The following NOX5 variants were observed in gnomAD, a reference collection of about 807,000 sequenced individuals.
NOX5 encodes NADPH oxidase, EF-hand calcium binding domain 5.
A neutral mutation model predicts 85.7 loss-of-function variants in NOX5; 76 were observed. The ratio of observed to expected loss-of-function variants is 0.89; its 90% CI spans 0.74 to 1.07. The LOEUF (loss-of-function observed/expected upper bound fraction) is 1.07. NOX5 is among the 50% of genes least tolerant of loss of function. The pLI is 0.00. For synonymous variants in NOX5, 405 were observed against 401.4 expected, an observed-to-expected ratio of 1.01 and a Z score of -0.11; for missense variants, 973 against 999.5, an observed-to-expected ratio of 0.97 and a Z score of 0.36.
chr15:69,047,322 G>T, intron 11 of NOX5, 91 bp from the exon 12 acceptor site: 1 of 1,451,300 alleles, frequency 6.9e-7, no homozygotes, highest in South Asian at 1.5e-5. Context: ...TATATATAAA[G>T]GGGGTTCTGA....
chr15:69,052,479 G>A (rs1313783035), intron 14 of NOX5, among the ~76,000 whole-genome samples: 1 of 152,182 alleles, frequency 6.6e-6, no homozygotes, highest in Admixed American at 6.5e-5. Flanking sequence ...TATACAAGAA[G>A]AAATATCTTT....
intron 5 of NOX5, among the ~76,000 whole-genome samples, chr15:69,035,004 G>A (rs1188842664): frequency 6.6e-6 from 1 of 152,094 alleles, no homozygotes; most frequent in African/African-American, 2.4e-5. Flanking sequence ...AGGCTCCAGT[G>A]ATCCTACTGT....
intron 7 of NOX5, 38 bp from the exon 8 acceptor site, chr15:69,036,990 T>G: frequency 9.4e-5 from 144 of 1,525,188 alleles, no homozygotes; most frequent in Non-Finnish European, 1.2e-4. Context: ...CCCCAGGCCT[T>G]GAGCTCTGGA....
At chr15:69,045,346 G>A (rs1020893197) in intron 10 of NOX5, among the ~76,000 whole-genome samples, 6 of 152,040 alleles carry the variant, frequency 3.9e-5, no homozygotes, top group Admixed American at 6.6e-5. Flanking sequence ...AACTAGTATC[G>A]CATGCTGCAC....
intron 9 of NOX5, among the ~76,000 whole-genome samples, chr15:69,039,308 G>A (rs2050562940): frequency 6.8e-6 from 1 of 147,160 alleles, no homozygotes; most frequent in African/African-American, 2.5e-5. Context: ...GGAGGCAGAG[G>A]GAAAAGCAGA....
chr15:69,038,625 G>C (rs779319215), intron 8 of NOX5, among the ~76,000 whole-genome samples: 1 of 152,056 alleles, frequency 6.6e-6, no homozygotes, highest in East Asian at 1.9e-4. Flanking sequence ...TAAAACCAGG[G>C]GCCCCAATTC....
chr15:69,055,302 C>A, intron 14 of NOX5, 32 bp from the exon 15 acceptor site: 1 of 1,609,268 alleles, frequency 6.2e-7, no homozygotes, highest in Non-Finnish European at 8.5e-7. Flanking sequence ...GGTACTAGAC[C>A]CTCAGTGCAG....
intron 3 of NOX5, chr15:69,028,689 CTGT>C (rs2050391592): frequency 1.0e-5 from 2 of 195,724 alleles, no homozygotes; most frequent in Admixed American, 1.1e-4. Flanking sequence ...AAGAAAATCT[CTGT>C]TGTTTTTTCC....
chr15:69,049,831 T>C (rs1408948761), intron 14 of NOX5, among the ~76,000 whole-genome samples: 1 of 152,168 alleles, frequency 6.6e-6, no homozygotes, highest in East Asian at 1.9e-4. Flanking sequence ...TGAAGTATAA[T>C]TTACATACAA....
chr15:69,017,273 T>C (rs2050242763), intron 1 of NOX5, among the ~76,000 whole-genome samples: 1 of 152,060 alleles, frequency 6.6e-6, no homozygotes, highest in African/African-American at 2.4e-5. Flanking sequence ...TGCCTCAGCC[T>C]CCCAAGTAGT....
In NOX5 at chr15:69,033,692, CT is replaced by C. The variant is rs1567098660; in HGVS notation, c.855+423del. ...CTAAGAGGTGTTTTTTTTTTTCTTT[CT>C]TTTTTTTCTTTTTTTTTTTTTTTTG... On this transcript the variant is annotated intron_variant, in intron 5 of 15. Transcript: ENST00000388866. 5.9e-5 allele frequency among the ~76,000 whole-genome samples: 8 copies of C among 136,388 alleles called. No homozygotes were observed. The South Asian group carries it at 9.4e-4, about 16-fold the overall frequency. 89.5% of individuals were successfully genotyped at this position (136,388 alleles called of 152,430 possible).
intron 14 of NOX5, among the ~76,000 whole-genome samples, chr15:69,049,895 A>G (rs772807950): frequency 2.6e-5 from 4 of 152,260 alleles, no homozygotes; most frequent in African/African-American, 4.8e-5. Context: ...TGACAAATGC[A>G]TACAGTAGTG....
intron 10 of NOX5, chr15:69,046,454 A>G (rs956055912): frequency 5.1e-6 from 1 of 195,642 alleles, no homozygotes; most frequent in Non-Finnish European, 1.0e-5. Context: ...TAGTAGGGGA[A>G]TGCTCTCCAG....
chr15:69,026,672 G>A, intron 2 of NOX5, 21 bp downstream of exon 2: 1 of 1,613,814 alleles, frequency 6.2e-7, no homozygotes. Context: ...GGCCAAGGTG[G>A]AAGCCCTGCA....
chr15:69,044,082 G>T (rs1174560559), intron 10 of NOX5, among the ~76,000 whole-genome samples: 1 of 152,048 alleles, frequency 6.6e-6, no homozygotes, highest in Non-Finnish European at 1.5e-5. Flanking sequence ...TACTCGGGAG[G>T]CTGGGGCAGG....
At chr15:69,043,793 T>A (rs903648798) in intron 10 of NOX5, among the ~76,000 whole-genome samples, 14 of 152,158 alleles carry the variant, frequency 9.2e-5, no homozygotes, top group African/African-American at 2.9e-4. Context: ...CACTATAAAT[T>A]GGCGCAACTT....
At position 69,047,446 on chromosome 15, in the gene NOX5, C is replaced by T. The variant is rs370856638; in HGVS notation, c.1726C>T (p.Arg576Cys). Reference protein sequence around the residue: ...YIDGPYGTPTRRIFASEHAVL... With the variant: ...YIDGPYGTPTCRIFASEHAVL... ...CGATGGGCCTTATGGGACCCCCACCCGCAGGATCTTTGCCTCTGAGCATGC... is the reference window on the plus strand; with the variant it reads ...CGATGGGCCTTATGGGACCCCCACCTGCAGGATCTTTGCCTCTGAGCATGC... Residue 576 changes from arginine (R) to cysteine (C), a missense_variant, in exon 12 of 16, where the codon CGC becomes TGC. Arg to Cys is a radical substitution (Grantham distance 180, BLOSUM62 -3). Coordinates refer to ENST00000388866, the MANE Select transcript of NOX5 (RefSeq NM_024505.4). 9.1e-5 allele frequency: 147 copies of T among 1,613,994 alleles called. No individual in the cohort carries two copies. Among genetic ancestry groups the T allele is most frequent in the East Asian group, 7.4e-4 (33 of 44,860 alleles).
rs140678312 is a variant in NOX5, at chr15:69,059,249, G to T, written c.*2553G>T. 2 of 152,194 alleles carry T rather than the reference G, an allele frequency of 1.3e-5. No individual in the cohort carries two copies. Among genetic ancestry groups the T allele is most frequent in the East Asian group, 3.9e-4 (2 of 5,188 alleles). 9.4% of individuals were successfully genotyped at this position (152,194 alleles called of 1,614,324 possible). On this transcript the variant is annotated 3_prime_UTR_variant, in exon 16 of 16. Coordinates refer to ENST00000388866, the MANE Select transcript of NOX5 (RefSeq NM_024505.4). Reference sequence around the variant, plus strand: ...AGGTTTTCTCTCCAGACAGATTCCAGTTGCCCACGAGAGGGCGCTGCAGAA... The same window carrying T: ...AGGTTTTCTCTCCAGACAGATTCCATTTGCCCACGAGAGGGCGCTGCAGAA...
Position 69,056,625 on chromosome 15 carries a change from C to G in NOX5, c.2227C>G (p.Pro743Ala). 6.2e-7 allele frequency: 1 copy of G among 1,613,832 alleles called. No individual in the cohort carries two copies. The highest frequency in any genetic ancestry group is 8.5e-7 in the Non-Finnish European group (1 of 1,180,034). ...GKVQVFFCGS[P>A]ALAKVLKGHC... is the part of the protein sequence containing the mutation. ...GGTGCAGGTCTTCTTCTGTGGCTCCCCAGCTCTGGCCAAGGTGCTGAAGGG... is the reference window on the plus strand; with the variant it reads ...GGTGCAGGTCTTCTTCTGTGGCTCCGCAGCTCTGGCCAAGGTGCTGAAGGG... The change falls in exon 16 of 16, where the codon CCA (proline) becomes GCA (alanine). Residue 743 changes from proline (P) to alanine (A), a missense_variant. Coordinates refer to ENST00000388866, the MANE Select transcript of NOX5 (RefSeq NM_024505.4).
Sources: allele counts gnomAD v4.1 joint callset (sites outside exome capture counted in the v4.1 genomes callset), GRCh38; gene constraint gnomAD v4.1.1; transcripts MANE v1.5; gene names NCBI Gene and HGNC (gene_info 2026-07-23, HGNC 2026-07-21).